The following ASXL2 variants were observed in gnomAD, a reference collection of about 807,000 sequenced individuals.
The protein encoded by ASXL2 is putative Polycomb group protein ASXL2.
Under a neutral mutation model 122.0 loss-of-function variants are expected in ASXL2, and 23 were observed. The observed-to-expected ratio is 0.19, with a 90% CI of 0.14 to 0.27. The LOEUF is 0.27. Among genes scored for constraint, ASXL2 ranks in the 10% least tolerant of loss-of-function variants. The pLI is 1.00. For synonymous variants in ASXL2, 650 were observed against 637.0 expected, an observed-to-expected ratio of 1.02 and a Z score of -0.31; for missense variants, 1,518 against 1,713.8, an observed-to-expected ratio of 0.89 and a Z score of 2.02.
At chr2:25,800,777 T>C (rs1419764373) in intron 4 of ASXL2, among the ~76,000 whole-genome samples, 1 of 152,218 alleles carries the variant, frequency 6.6e-6, no homozygotes, top group Non-Finnish European at 1.5e-5. Flanking sequence ...TAAAAGATCA[T>C]TCTTCAATTA....
At chr2:25,785,673 A>G (rs1045569292) in intron 5 of ASXL2, among the ~76,000 whole-genome samples, 1 of 151,670 alleles carries the variant, frequency 6.6e-6, no homozygotes, top group African/African-American at 2.4e-5. Context: ...CAGCCTCCCA[A>G]GTAGCTGGGA....
intron 3 of ASXL2, among the ~76,000 whole-genome samples, chr2:25,835,309 C>T (rs1396203438): frequency 3.9e-5 from 6 of 152,058 alleles, no homozygotes; most frequent in East Asian, 3.9e-4. Context: ...TAATGTAGAT[C>T]GGATTTCTAA....
At position 25,734,823 on chromosome 2, in the gene ASXL2, C is replaced by T. The variant is rs1307080200; in HGVS notation, c.*7206G>A. ...ATCCCACAGAATGTCTCAAATCAAA[C>T]TCCAGGTTACATTCATGGCAATTCA... On this transcript the variant is annotated 3_prime_UTR_variant, in exon 13 of 13. Transcript: ENST00000435504. 6.6e-6 allele frequency: 1 copy of T among 152,194 alleles called. No individual in the cohort carries two copies. The highest frequency in any genetic ancestry group is 2.4e-5 in the African/African-American group (1 of 41,452). The allele number at this position is 152,194 out of a possible 1,614,324, so 9.4% of individuals were successfully genotyped here. A position where few individuals can be genotyped will look rare whatever the true frequency, so the allele number is the denominator to read the frequency against.
intron 5 of ASXL2, among the ~76,000 whole-genome samples, chr2:25,785,127 A>AT (rs2088716536): frequency 1.3e-5 from 2 of 152,232 alleles, no homozygotes; most frequent in African/African-American, 4.8e-5. Context: ...GTTTTACCAT[A>AT]TTTATGATGA....
chr2:25,777,561 G>A (rs2088568041), intron 5 of ASXL2, among the ~76,000 whole-genome samples: 1 of 151,770 alleles, frequency 6.6e-6, no homozygotes, highest in African/African-American at 2.4e-5. Flanking sequence ...AGCCTAGGGG[G>A]TGACAGTATG....
intron 1 of ASXL2, among the ~76,000 whole-genome samples, chr2:25,860,303 C>T (rs919155872): frequency 1.3e-5 from 2 of 149,900 alleles, no homozygotes; most frequent in African/African-American, 4.9e-5. Flanking sequence ...AAGAGCGAAA[C>T]TCCGCCTCAA....
chr2:25,869,773 G>A (rs1200186347), intron 1 of ASXL2, among the ~76,000 whole-genome samples: 3 of 150,540 alleles, frequency 2.0e-5, no homozygotes, highest in Non-Finnish European at 3.0e-5. Flanking sequence ...CCAAGATTAC[G>A]CCACTGCACT....
At chr2:25,828,446 C>G (rs1481693018) in intron 3 of ASXL2, among the ~76,000 whole-genome samples, 1 of 140,004 alleles carries the variant, frequency 7.1e-6, no homozygotes, top group Non-Finnish European at 1.5e-5. Flanking sequence ...ATGGAGGTTG[C>G]AGTGAGCCAA....
chr2:25,765,558 C>T (rs549923575), intron 8 of ASXL2, among the ~76,000 whole-genome samples: 2 of 152,190 alleles, frequency 1.3e-5, no homozygotes, highest in East Asian at 3.9e-4. Context: ...CCTTTACGCT[C>T]ATTTGCTTGA....
chr2:25,809,296 G>GAAA (rs71399325), intron 3 of ASXL2, among the ~76,000 whole-genome samples: 2,919 of 143,978 alleles, frequency 0.02, 45 homozygotes, highest in Non-Finnish European at 0.031. Context: ...CACTTCTAAT[G>GAAA]AAAAAAAAAA....
chr2:25,786,406 A>G (rs2088747572), intron 5 of ASXL2, among the ~76,000 whole-genome samples: 1 of 150,830 alleles, frequency 6.6e-6, no homozygotes, highest in Admixed American at 6.6e-5. Context: ...ACGCCCGGCT[A>G]ATTTTTGTAT....
intron 5 of ASXL2, among the ~76,000 whole-genome samples, chr2:25,773,493 A>G (rs75364070): frequency 0.09 from 13,718 of 151,710 alleles, 762 homozygotes; most frequent in African/African-American, 0.15. Context: ...GTGAAACCCC[A>G]TCTCTACTAA....
At chr2:25,835,388 CATA>C (rs1161812035) in intron 3 of ASXL2, 147 bp downstream of exon 3, 1 of 162,152 alleles carries the variant, frequency 6.2e-6, no homozygotes, top group Non-Finnish European at 1.4e-5. Flanking sequence ...TAAACACTAA[CATA>C]ATAATATCGA....
chr2:25,819,898 G>C (rs1030926350), intron 3 of ASXL2, among the ~76,000 whole-genome samples: 2 of 152,042 alleles, frequency 1.3e-5, no homozygotes, highest in Non-Finnish European at 2.9e-5. Flanking sequence ...TTGCTTGCTT[G>C]ACTGACTTAT....
chr2:25,835,693 T>G (rs1225374006), intron 2 of ASXL2, among the ~76,000 whole-genome samples, 153 bp from the exon 3 acceptor site: 1 of 152,154 alleles, frequency 6.6e-6, no homozygotes, highest in Non-Finnish European at 1.5e-5. Flanking sequence ...CTCATTAATT[T>G]CTTCATTAAA....
chr2:25,742,557 G>A lies in ASXL2; in HGVS notation c.3780C>T (p.Thr1260=). The A allele has an allele frequency of 6.2e-7, 1 of 1,613,788 alleles. No individual in the cohort carries two copies. The highest frequency in any genetic ancestry group is 8.5e-7 in the Non-Finnish European group (1 of 1,179,840). ...FTRGQTFDEK[T]LARDLIQAAQ... is the part of the protein sequence containing the mutation. ...CTGCCTGAATTAAATCTCTGGCTAG[G>A]GTCTTTTCATCAAATGTTTGGCCTC... is the stretch of plus-strand genomic sequence containing the variant. Residue 1260 remains threonine (T), a synonymous_variant, in exon 13 of 13, where the codon ACC becomes ACT. Transcript: ENST00000435504.
At chr2:25,764,036 A>C (rs1219842872) in intron 8 of ASXL2, among the ~76,000 whole-genome samples, 1 of 152,238 alleles carries the variant, frequency 6.6e-6, no homozygotes, top group Non-Finnish European at 1.5e-5. Context: ...ATTACAATAA[A>C]ATTTTAAATC....
chr2:25,864,731 T>C (rs142795126), intron 1 of ASXL2, among the ~76,000 whole-genome samples: 2,011 of 152,178 alleles, frequency 0.013, 32 homozygotes, highest in Non-Finnish European at 0.02. Context: ...TTACATTTTA[T>C]ATGAACATAC....
At chr2:25,842,759 CGT>C (rs989473197) in intron 2 of ASXL2, among the ~76,000 whole-genome samples, 15 of 137,080 alleles carry the variant, frequency 1.1e-4, no homozygotes, top group South Asian at 7.2e-4. Flanking sequence ...TATGTGTGTG[CGT>C]GTGTGCACGT....
Sources: allele counts gnomAD v4.1 joint callset (sites outside exome capture counted in the v4.1 genomes callset), GRCh38; gene constraint gnomAD v4.1.1; transcripts MANE v1.5; gene names NCBI Gene and HGNC (gene_info 2026-07-23, HGNC 2026-07-21).